Variants in KALRN observed in about 807,000 individuals in gnomAD.
KALRN encodes the protein kalirin RhoGEF kinase.
KALRN carries 70 observed loss-of-function variants against 353.7 expected under a neutral mutation model. The observed-to-expected ratio is 0.20, with a 90% CI of 0.16 to 0.24. The LOEUF (loss-of-function observed/expected upper bound fraction) is 0.24, where lower values mean the gene tolerates loss of function less well. Among genes scored for constraint, KALRN ranks in the 10% least tolerant of loss-of-function variants. The probability of loss-of-function intolerance (pLI) is 1.00; values close to 1 mark genes in which losing one functional copy is unlikely to be tolerated. For synonymous variants in KALRN, 1,391 were observed against 1,434.8 expected, an observed-to-expected ratio of 0.97 and a Z score of 0.69; for missense variants, 2,791 against 3,756.7, an observed-to-expected ratio of 0.74 and a Z score of 6.72.
At chr3:124,661,101 T>C (rs1056797976) in intron 44 of KALRN, 128 bp downstream of exon 44, 5 of 723,394 alleles carry the variant, frequency 6.9e-6, no homozygotes, top group Non-Finnish European at 1.2e-5. Flanking sequence ...TAAGAGGCTC[T>C]TGTAAACAGC....
At chr3:124,604,253 A>T (rs190690752) in intron 34 of KALRN, among the ~76,000 whole-genome samples, 43 of 151,938 alleles carry the variant, frequency 2.8e-4, no homozygotes, top group East Asian at 1.9e-4. Context: ...GCACCCACTA[A>T]CTCGTCATCT....
chr3:124,561,014 A>G (rs2071934390), intron 33 of KALRN, among the ~76,000 whole-genome samples: 3 of 152,346 alleles, frequency 2.0e-5, no homozygotes, highest in Admixed American at 6.5e-5. Context: ...TGTATACTCA[A>G]TGCCTAACCA....
chr3:124,490,120 A>C (rs1279294797), intron 29 of KALRN, among the ~76,000 whole-genome samples: 2 of 152,176 alleles, frequency 1.3e-5, no homozygotes, highest in Admixed American at 6.5e-5. Flanking sequence ...TTACCTGGGC[A>C]TGGTGGCATG....
chr3:124,366,707 A>G (rs1281170334), intron 10 of KALRN, among the ~76,000 whole-genome samples: 3 of 152,144 alleles, frequency 2.0e-5, no homozygotes, highest in South Asian at 4.2e-4. Flanking sequence ...CCCGTTCTCA[A>G]TGAGCTGTTG....
chr3:124,719,624 G>T lies in KALRN; in HGVS notation c.*154G>T, dbSNP rs1051147249. On this transcript the variant is annotated 3_prime_UTR_variant, in exon 60 of 60. Coordinates refer to ENST00000682506, the MANE Select transcript of KALRN (RefSeq NM_001388419.1). This position sits in a 1 kb window ranked among gnomAD's most constrained non-coding sequence, Gnocchi z 5.3. ...TAAACCTCGTCAGTGGTTATTCAGG[G>T]TCTGAGCAGCAGTAAAAGTCACCCT... 1.6e-5 allele frequency: 12 copies of T among 732,824 alleles called. No homozygotes were observed. The African/African-American group carries it at 1.8e-4, about 11-fold the overall frequency. 45.4% of individuals were successfully genotyped at this position (732,824 alleles called of 1,614,324 possible). A position where few individuals can be genotyped will look rare whatever the true frequency, so the allele number is the denominator to read the frequency against.
chr3:124,709,249 G>A (rs2062779555), intron 57 of KALRN, among the ~76,000 whole-genome samples: 2 of 152,040 alleles, frequency 1.3e-5, no homozygotes, highest in Admixed American at 1.3e-4. Flanking sequence ...AACAAAAAAT[G>A]AAAACAGAAC....
chr3:124,266,257 C>G (rs1210665577), intron 4 of KALRN, among the ~76,000 whole-genome samples: 1 of 152,074 alleles, frequency 6.6e-6, no homozygotes, highest in Non-Finnish European at 1.5e-5. Flanking sequence ...AATATGGACA[C>G]TATAATCTGA....
chr3:124,560,957 G>A (rs536486933), intron 33 of KALRN, among the ~76,000 whole-genome samples: 5 of 152,286 alleles, frequency 3.3e-5, no homozygotes, highest in African/African-American at 7.2e-5. Context: ...GCAAGAGAAG[G>A]AACTGCTAGG....
chr3:124,488,491 G>T, intron 29 of KALRN, 176 bp downstream of exon 29: 1 of 583,574 alleles, frequency 1.7e-6, no homozygotes, highest in Non-Finnish European at 3.1e-6. Flanking sequence ...GGACCAATTT[G>T]GCTAGCACCC....
intron 1 of KALRN, among the ~76,000 whole-genome samples, chr3:124,137,872 G>T (rs998782161): frequency 1.3e-5 from 2 of 152,150 alleles, no homozygotes; most frequent in African/African-American, 4.8e-5. Context: ...TGAGGGCAGG[G>T]GTGAAGGGCA....
At chr3:124,615,622 C>A (rs553964659) in intron 34 of KALRN, among the ~76,000 whole-genome samples, 10 of 152,284 alleles carry the variant, frequency 6.6e-5, no homozygotes, top group African/African-American at 2.4e-4. Context: ...AGTCGTGTAA[C>A]CTTTCTCTAA....
At position 124,438,244 on chromosome 3, in the gene KALRN, A is replaced by G. The variant is rs550751787; in HGVS notation, c.3049-644A>G. Reference sequence around the variant, plus strand: ...TTCATTTATAAGGTCACTTAGCATGACCTCTCAGCATCTTTAGAACTAAAA... The same window carrying G: ...TTCATTTATAAGGTCACTTAGCATGGCCTCTCAGCATCTTTAGAACTAAAA... On this transcript the variant is annotated intron_variant, in intron 17 of 59. Transcript: ENST00000682506. Among the ~76,000 whole-genome samples the G allele has an allele frequency of 1.2e-4, 18 of 152,060 alleles. No individual in the cohort carries two copies. In the South Asian group the frequency reaches 3.7e-3, roughly 31 times the overall value.
At position 124,657,571 on chromosome 3, in the gene KALRN, C is replaced by T. The variant is rs754885593; in HGVS notation, c.5966+20C>T. On this transcript the variant is annotated intron_variant, in intron 40 of 59. Transcript: ENST00000682506. ...TAAGGAGTAAGTGTTAATGCTGCCC[C>T]GAGGATCCAGTGTCCTGGGAATCCA... is the stretch of plus-strand genomic sequence containing the variant. The T allele has an allele frequency of 1.4e-5, 22 of 1,582,640 alleles. No homozygotes were observed. Among genetic ancestry groups the T allele is most frequent in the East Asian group, 1.3e-4 (6 of 44,712 alleles).
intron 13 of KALRN, among the ~76,000 whole-genome samples, chr3:124,400,668 G>T (rs2150116972): frequency 6.6e-6 from 1 of 152,286 alleles, no homozygotes; most frequent in Middle Eastern, 3.4e-3. Flanking sequence ...AGAGATAAAA[G>T]AGAGGGTATG....
chr3:124,580,072 C>T (rs1395738217), intron 34 of KALRN, among the ~76,000 whole-genome samples: 1 of 152,196 alleles, frequency 6.6e-6, no homozygotes, highest in Non-Finnish European at 1.5e-5. Context: ...TCGAGTAGGT[C>T]TCCATGTGTT....
chr3:124,091,860 T>C (rs1004611796), intron 1 of KALRN, among the ~76,000 whole-genome samples: 4 of 152,206 alleles, frequency 2.6e-5, no homozygotes, highest in African/African-American at 9.7e-5. Context: ...TCCTGGCCAA[T>C]ATCCTTTCTA....
intron 51 of KALRN, among the ~76,000 whole-genome samples, chr3:124,688,626 G>A (rs1578960454): frequency 1.3e-5 from 2 of 152,062 alleles, no homozygotes; most frequent in Admixed American, 6.6e-5. Context: ...TTATTTGAGC[G>A]TTTTTATTCC....
intron 34 of KALRN, among the ~76,000 whole-genome samples, chr3:124,571,840 C>T (rs1246561683): frequency 1.3e-5 from 2 of 151,650 alleles, no homozygotes; most frequent in East Asian, 3.9e-4. Flanking sequence ...GTTGCCCAGG[C>T]TGGTCTCGAA....
At chr3:124,094,991 CAG>C in intron 1 of KALRN, 1 of 1,251,116 alleles carries the variant, frequency 8.0e-7, no homozygotes, top group Non-Finnish European at 1.2e-6. Flanking sequence ...AAAGACACAG[CAG>C]AGAGGGGAGG....
Sources: gnomAD v4.1 joint callset for allele counts (sites outside exome capture counted in the v4.1 genomes callset) on GRCh38, gnomAD v4.1.1 for gene constraint, Gnocchi (gnomAD v3.1) non-coding constraint, MANE v1.5 for transcripts, NCBI Gene and HGNC (gene_info 2026-07-23, HGNC 2026-07-21) for gene names.